The following TMCO6 variants were observed in gnomAD, a reference collection of about 807,000 sequenced individuals.
TMCO6 encodes the protein transmembrane and coiled-coil domain-containing protein 6.
In TMCO6, 47 loss-of-function variants were observed where a neutral mutation model predicts 61.8. The ratio of observed to expected loss-of-function variants is 0.76; its 90% CI spans 0.60 to 0.97. The LOEUF (loss-of-function observed/expected upper bound fraction) is 0.97, where lower values mean the gene tolerates loss of function less well. Ranked by LOEUF, TMCO6 falls within the 50% of genes least tolerant of loss-of-function variation. The pLI, the probability that TMCO6 is intolerant of heterozygous loss-of-function variation, is 0.00. For synonymous variants in TMCO6, 261 were observed against 254.2 expected (o/e 1.03, Z -0.25); for missense variants, 557 against 601.6 (o/e 0.93, Z 0.78).
the TMCO6 span, among the ~76,000 whole-genome samples, chr5:140,626,813 A>T: frequency 6.6e-6 from 1 of 152,248 alleles, no homozygotes; most frequent in East Asian, 1.9e-4. Flanking sequence ...TGGCCTCCCA[A>T]AGTGCTAGGA....
At chr5:140,622,307 G>C in the TMCO6 span, among the ~76,000 whole-genome samples, 2 of 152,120 alleles carry the variant, frequency 1.3e-5, no homozygotes, top group Non-Finnish European at 2.9e-5. Context: ...CAGATTCCCC[G>C]ATACCTCCCC....
downstream of TMCO6, chr5:140,647,630 CT>C: frequency 1.3e-6 from 2 of 1,594,652 alleles, no homozygotes; most frequent in Non-Finnish European, 1.7e-6. Context: ...AGGCCAAGTG[CT>C]CCGGTCTGAC....
the TMCO6 span, among the ~76,000 whole-genome samples, chr5:140,622,696 G>A: frequency 1.4e-5 from 2 of 147,528 alleles, no homozygotes; most frequent in African/African-American, 2.5e-5. Context: ...CACCAGCTGG[G>A]TTCTCCTTAC....
chr5:140,631,350 T>TGA, the TMCO6 span, among the ~76,000 whole-genome samples: 2 of 151,806 alleles, frequency 1.3e-5, no homozygotes, highest in Non-Finnish European at 2.9e-5. Flanking sequence ...TGTGTGTGTG[T>TGA]GAGAGAGAGA....
the TMCO6 span, among the ~76,000 whole-genome samples, chr5:140,610,227 T>C: frequency 6.9e-6 from 1 of 145,672 alleles, no homozygotes; most frequent in East Asian, 2.0e-4. Flanking sequence ...CGTGGCAGCA[T>C]GTGCCTGTAG....
At position 140,642,523 on chromosome 5, in the gene TMCO6, T is replaced by C. The variant is rs1757104335; in HGVS notation, c.604-63T>C. ...CAGCCTCTGCCCTGTGCCAAGGGGC[T>C]GAAAGTCTCTGAAGACCTGATGACC... On this transcript the variant is annotated intron_variant, in intron 5 of 11. Coordinates refer to ENST00000394671, the MANE Select transcript of TMCO6 (RefSeq NM_018502.5). 7 of 1,606,024 alleles carry C rather than the reference T, an allele frequency of 4.4e-6. No homozygotes were observed. In the East Asian group the frequency reaches 1.3e-4, roughly 31 times the overall value.
chr5:140,645,418 A>C (rs1418625871), downstream of TMCO6: 3 of 883,896 alleles, frequency 3.4e-6, no homozygotes, highest in African/African-American at 3.3e-5. Context: ...ACTTTGCCTC[A>C]GTGGTTGCAC....
At chr5:140,608,845 T>C in the TMCO6 span, among the ~76,000 whole-genome samples, 1 of 152,212 alleles carries the variant, frequency 6.6e-6, no homozygotes. Flanking sequence ...TTCTATTCCA[T>C]TGATCTGTCT....
At chr5:140,645,706 A>G (rs370364457), downstream of TMCO6, 319 of 1,614,040 alleles carry the variant, frequency 2.0e-4, no homozygotes, top group Non-Finnish European at 2.4e-4. Flanking sequence ...GGTGTCTTTA[A>G]CTATTCTGCA....
At chr5:140,602,376 T>C in the TMCO6 span, among the ~76,000 whole-genome samples, 1 of 152,200 alleles carries the variant, frequency 6.6e-6, no homozygotes, top group Non-Finnish European at 1.5e-5. Context: ...ATCCCACTTA[T>C]AGTACTTAGA....
upstream of TMCO6, among the ~76,000 whole-genome samples, chr5:140,637,619 T>C (rs1187968119): frequency 6.6e-6 from 1 of 152,186 alleles, no homozygotes; most frequent in Non-Finnish European, 1.5e-5. Context: ...TGCCTCATTA[T>C]ACCTCTCTAC....
the TMCO6 span, among the ~76,000 whole-genome samples, chr5:140,599,763 T>C: frequency 6.6e-6 from 1 of 152,102 alleles, no homozygotes; most frequent in Non-Finnish European, 1.5e-5. Flanking sequence ...TAGCTGGGCA[T>C]GGTGGTGCAC....
the TMCO6 span, chr5:140,609,301 C>A: frequency 5.1e-6 from 1 of 194,562 alleles, no homozygotes. Context: ...CCCTCAAGTT[C>A]ATCAAGAAAA....
the TMCO6 span, among the ~76,000 whole-genome samples, chr5:140,628,883 G>A: frequency 1.3e-5 from 2 of 152,180 alleles, no homozygotes; most frequent in African/African-American, 4.8e-5. Context: ...CAGCTCCTAA[G>A]TTACTAACGA....
the TMCO6 span, among the ~76,000 whole-genome samples, chr5:140,606,350 A>T: frequency 1.6e-4 from 25 of 151,646 alleles, no homozygotes; most frequent in African/African-American, 6.0e-4. Flanking sequence ...GGGTCTGTCT[A>T]TGTTGCCCAG....
At chr5:140,627,832 G>T in the TMCO6 span, among the ~76,000 whole-genome samples, 3 of 151,246 alleles carry the variant, frequency 2.0e-5, no homozygotes, top group South Asian at 2.1e-4. Flanking sequence ...GGAGGCAGAG[G>T]TTGCAGTGAG....
At chr5:140,607,799 T>C in the TMCO6 span, among the ~76,000 whole-genome samples, 1 of 150,968 alleles carries the variant, frequency 6.6e-6, no homozygotes, top group Non-Finnish European at 1.5e-5. Context: ...TTCTTTTTTT[T>C]TTTTTTCTGA....
the TMCO6 span, among the ~76,000 whole-genome samples, chr5:140,626,962 T>A: frequency 6.6e-6 from 1 of 152,230 alleles, no homozygotes; most frequent in Non-Finnish European, 1.5e-5. Context: ...TTAGCCAGTA[T>A]GTCCACAGAC....
In TMCO6 at chr5:140,644,638, G is replaced by A. The variant is rs1176837713; in HGVS notation, c.1266G>A (p.Gly422=). Residue 422 remains glycine, a synonymous_variant, in exon 11 of 12, where the codon GGG becomes GGA. Transcript: ENST00000394671. ...GPAYCQRLWP[G]PLLPALLHTL... ...CTTACTGCCAGCGGCTGTGGCCAGGGCCCCTGCTTCCCGCCTTGCTGCACA... is the reference window on the plus strand; with the variant it reads ...CTTACTGCCAGCGGCTGTGGCCAGGACCCCTGCTTCCCGCCTTGCTGCACA... The A allele has an allele frequency of 5.0e-6, 8 of 1,614,108 alleles. No homozygotes were observed. Among genetic ancestry groups the A allele is most frequent in the South Asian group, 1.1e-5 (1 of 91,078 alleles).
Sources: allele counts gnomAD v4.1 joint callset (sites outside exome capture counted in the v4.1 genomes callset), GRCh38; gene constraint gnomAD v4.1.1; transcripts MANE v1.5; gene names NCBI Gene and HGNC (gene_info 2026-07-23, HGNC 2026-07-21).